Variants in MED12L observed in about 807,000 individuals in gnomAD.
The protein encoded by MED12L is mediator of RNA polymerase II transcription subunit 12-like protein.
A neutral mutation model predicts 281.3 loss-of-function variants in MED12L; 60 were observed. That is an observed-to-expected ratio of 0.21 (90% CI 0.17 to 0.26). The LOEUF (loss-of-function observed/expected upper bound fraction) is 0.26. MED12L is among the 10% of genes least tolerant of loss of function. MED12L has a pLI of 1.00. For synonymous variants in MED12L, 974 were observed against 987.2 expected, an observed-to-expected ratio of 0.99 and a Z score of 0.25; for missense variants, 2,146 against 2,680.9, an observed-to-expected ratio of 0.80 and a Z score of 4.41.
chr3:151,416,023 C>T (rs1188688904), intron 42 of MED12L, among the ~76,000 whole-genome samples: 1 of 152,072 alleles, frequency 6.6e-6, no homozygotes, highest in African/African-American at 2.4e-5. Context: ...AAACAGTAAG[C>T]AGAAGGGATG....
At chr3:151,243,896 G>T (rs1351025189) in intron 16 of MED12L, among the ~76,000 whole-genome samples, 1 of 148,994 alleles carries the variant, frequency 6.7e-6, no homozygotes. Flanking sequence ...GACACACATA[G>T]GCTCAAAATA....
chr3:151,116,257 G>T, intron 2 of MED12L, 81 bp from the exon 3 acceptor site: 1 of 892,006 alleles, frequency 1.1e-6, no homozygotes, highest in South Asian at 1.7e-5. Context: ...AACAAATTTA[G>T]CCATTACTTA....
chr3:151,334,458 GTTTTT>G lies in MED12L; in HGVS notation c.2251-15600_2251-15596del, dbSNP rs974712824. Among the ~76,000 whole-genome samples, 9 of 151,330 alleles carry G rather than the reference GTTTTT, an allele frequency of 5.9e-5. No individual in the cohort carries two copies. The East Asian group carries it at 1.2e-3, about 20-fold the overall frequency. On this transcript the variant is annotated intron_variant, in intron 16 of 44. Coordinates refer to ENST00000687756, the MANE Select transcript of MED12L (RefSeq NM_001393769.1). ...TTTTGTAAAAGGTTTTTTTCCACCT[GTTTTT>G]AAAGTACTGGTCCAGGGGGAAGCAG...
chr3:151,252,167 A>G (rs551748496), intron 16 of MED12L, among the ~76,000 whole-genome samples: 1 of 152,252 alleles, frequency 6.6e-6, no homozygotes, highest in South Asian at 2.1e-4. Context: ...AAAAAGTACT[A>G]TTAATATCTC....
intron 16 of MED12L, among the ~76,000 whole-genome samples, chr3:151,301,426 C>G (rs1745906754): frequency 6.6e-6 from 1 of 152,154 alleles, no homozygotes; most frequent in East Asian, 1.9e-4. Context: ...TAACCTTCCT[C>G]ACTGACAGTT....
chr3:151,286,592 G>C (rs528599287), intron 16 of MED12L, among the ~76,000 whole-genome samples: 32 of 152,332 alleles, frequency 2.1e-4, no homozygotes, highest in Admixed American at 9.8e-4. Flanking sequence ...AGCTTCACAG[G>C]AGGGGGAGCT....
chr3:151,405,341 A>G (rs142896075), intron 39 of MED12L, among the ~76,000 whole-genome samples: 2 of 152,374 alleles, frequency 1.3e-5, no homozygotes, highest in African/African-American at 4.8e-5. Flanking sequence ...AGTTCTCTGT[A>G]GATCATTCCC....
intron 11 of MED12L, among the ~76,000 whole-genome samples, chr3:151,167,261 C>T (rs1007987910): frequency 2.0e-5 from 3 of 152,076 alleles, no homozygotes; most frequent in Admixed American, 6.5e-5. Context: ...TTGTTTTTTT[C>T]CTCAGCCTTA....
At chr3:151,380,597 C>CAAA (rs56792030) in intron 32 of MED12L, among the ~76,000 whole-genome samples, 1 of 113,292 alleles carries the variant, frequency 8.8e-6, no homozygotes, top group Non-Finnish European at 1.9e-5. Context: ...AACTCTGTCT[C>CAAA]AAAAAAAAAA....
At chr3:151,154,109 AG>A (rs1718943999) in intron 5 of MED12L, among the ~76,000 whole-genome samples, 1 of 152,220 alleles carries the variant, frequency 6.6e-6, no homozygotes. Flanking sequence ...ATAATTATTA[AG>A]GAGTACAGTA....
intron 38 of MED12L, among the ~76,000 whole-genome samples, chr3:151,392,080 A>G (rs1441107144): frequency 6.6e-6 from 1 of 152,222 alleles, no homozygotes; most frequent in African/African-American, 2.4e-5. Context: ...AAAGCTAACT[A>G]CTTTGTAAAA....
chr3:151,224,055 C>A (rs1265125854), intron 16 of MED12L, among the ~76,000 whole-genome samples: 1 of 152,116 alleles, frequency 6.6e-6, no homozygotes, highest in Non-Finnish European at 1.5e-5. Context: ...GTGACTGGTA[C>A]ATTGGTGTTA....
chr3:151,300,010 G>A, intron 16 of MED12L: 2 of 1,165,372 alleles, frequency 1.7e-6, no homozygotes. Context: ...CCCAAACAGT[G>A]GAAATAATAG....
At chr3:151,190,593 C>A in intron 13 of MED12L, 124 bp from the exon 14 acceptor site, 1 of 876,974 alleles carries the variant, frequency 1.1e-6, no homozygotes, top group Non-Finnish European at 1.8e-6. Flanking sequence ...GTAAATCTTC[C>A]AATAGATCTT....
At chr3:151,156,717 C>G (rs1390782798) in intron 6 of MED12L, among the ~76,000 whole-genome samples, 2 of 152,172 alleles carry the variant, frequency 1.3e-5, no homozygotes, top group Non-Finnish European at 2.9e-5. Flanking sequence ...GAAAGGTCAT[C>G]TTAATTCAGC....
chr3:151,209,866 A>T (rs990731491), intron 16 of MED12L, among the ~76,000 whole-genome samples: 2 of 152,188 alleles, frequency 1.3e-5, no homozygotes, highest in East Asian at 3.8e-4. Flanking sequence ...AGATAAAGCC[A>T]GTGTATCACG....
At chr3:151,173,389 AATG>A (rs1721668280) in intron 11 of MED12L, among the ~76,000 whole-genome samples, 1 of 152,190 alleles carries the variant, frequency 6.6e-6, no homozygotes, top group African/African-American at 2.4e-5. Context: ...TTATTTAAAA[AATG>A]ATTTTATTTC....
intron 28 of MED12L, 37 bp from the exon 29 acceptor site, chr3:151,376,763 A>G (rs1756907379): frequency 6.6e-7 from 1 of 1,506,418 alleles, no homozygotes. Flanking sequence ...AACACATTTG[A>G]TACCCATAAT....
intron 16 of MED12L, chr3:151,300,286 C>T: frequency 1.6e-6 from 1 of 620,804 alleles, no homozygotes; most frequent in East Asian, 2.8e-5. Flanking sequence ...AAAGCAATTG[C>T]CTCCACGATT....
Sources: gnomAD v4.1 joint callset for allele counts (sites outside exome capture counted in the v4.1 genomes callset) on GRCh38, gnomAD v4.1.1 for gene constraint, MANE v1.5 for transcripts, NCBI Gene and HGNC (gene_info 2026-07-23, HGNC 2026-07-21) for gene names.